The following CRPPA variants were observed in gnomAD, a reference collection of about 807,000 sequenced individuals.
The protein encoded by CRPPA is D-ribitol-5-phosphate cytidylyltransferase.
CRPPA carries 43 observed loss-of-function variants against 52.0 expected under a neutral mutation model. The ratio of observed to expected loss-of-function variants is 0.83; its 90% CI spans 0.65 to 1.07. CRPPA has a LOEUF of 1.07. CRPPA is among the 50% of genes least tolerant of loss of function. The pLI, the probability that CRPPA is intolerant of heterozygous loss-of-function variation, is 0.00. For synonymous variants in CRPPA, 250 were observed against 203.5 expected, an observed-to-expected ratio of 1.23 and a Z score of -1.94; for missense variants, 629 against 551.7, an observed-to-expected ratio of 1.14 and a Z score of -1.40.
At chr7:16,379,364 C>G (rs1044189846) in intron 2 of CRPPA, among the ~76,000 whole-genome samples, 1 of 152,112 alleles carries the variant, frequency 6.6e-6, no homozygotes, top group East Asian at 1.9e-4. Context: ...TGTTTCGGTA[C>G]CAGTACCATG....
At chr7:16,384,071 T>C (rs768330852) in intron 2 of CRPPA, among the ~76,000 whole-genome samples, 1 of 152,252 alleles carries the variant, frequency 6.6e-6, no homozygotes, top group South Asian at 2.1e-4. Context: ...AATGCAGAAA[T>C]CACCCGTCTT....
intron 9 of CRPPA, among the ~76,000 whole-genome samples, chr7:16,208,677 T>C (rs12672856): frequency 0.23 from 35,091 of 152,060 alleles, 4,855 homozygotes; most frequent in South Asian, 0.43. Context: ...GGCTAATTCA[T>C]CTTAAAAATT....
chr7:16,123,188 T>C (rs555459364), intron 9 of CRPPA, among the ~76,000 whole-genome samples: 1 of 152,224 alleles, frequency 6.6e-6, no homozygotes, highest in African/African-American at 2.4e-5. Flanking sequence ...TATAGTTTAA[T>C]ATGCTTGAAA....
intron 9 of CRPPA, among the ~76,000 whole-genome samples, chr7:16,118,900 G>A (rs1452869383): frequency 2.0e-5 from 3 of 152,150 alleles, no homozygotes; most frequent in African/African-American, 4.8e-5. Context: ...GGCAGTAGTT[G>A]TGTCCTCAGT....
At chr7:16,215,971 T>G in intron 9 of CRPPA, 95 bp downstream of exon 9, 1 of 982,376 alleles carries the variant, frequency 1.0e-6, no homozygotes. Context: ...GTAATTTCAC[T>G]TATCAATAAT....
chr7:16,175,182 T>A (rs530267041), intron 9 of CRPPA, among the ~76,000 whole-genome samples: 1 of 152,126 alleles, frequency 6.6e-6, no homozygotes, highest in Non-Finnish European at 1.5e-5. Flanking sequence ...CTGGACAAAT[T>A]TGAAAGTATG....
intron 3 of CRPPA, among the ~76,000 whole-genome samples, chr7:16,375,324 T>C (rs531899377): frequency 5.9e-5 from 9 of 152,318 alleles, no homozygotes; most frequent in South Asian, 2.1e-4. Flanking sequence ...CTTATCATCA[T>C]TGGGAAGTTT....
chr7:16,285,572 A>T (rs1242422645), intron 5 of CRPPA, among the ~76,000 whole-genome samples: 1 of 152,148 alleles, frequency 6.6e-6, no homozygotes, highest in Non-Finnish European at 1.5e-5. Flanking sequence ...GTTTGATGTG[A>T]TTTAACAGAG....
intron 5 of CRPPA, among the ~76,000 whole-genome samples, chr7:16,280,113 T>C (rs1350958689): frequency 2.0e-5 from 3 of 152,294 alleles, no homozygotes; most frequent in East Asian, 3.9e-4. Context: ...CATGATTCAA[T>C]TACCTCCCAC....
chr7:16,089,260 G>A lies in CRPPA; in HGVS notation c.*2435C>T, dbSNP rs572350531. 9.2e-5 allele frequency: 31 copies of A among 337,640 alleles called. No homozygotes were observed. Among genetic ancestry groups the A allele is most frequent in the Middle Eastern group, 1.0e-3 (1 of 954 alleles). 20.9% of individuals were successfully genotyped at this position (337,640 alleles called of 1,614,324 possible). On this transcript the variant is annotated 3_prime_UTR_variant, in exon 10 of 10. Coordinates refer to ENST00000407010, the MANE Select transcript of CRPPA (RefSeq NM_001101426.4). ...CGTATATACATATATGTGTGTATGC[G>A]TACGTATATACATATATGTGTGTAT...
intron 1 of CRPPA, among the ~76,000 whole-genome samples, chr7:16,413,656 G>T (rs186654906): frequency 2.0e-5 from 3 of 152,174 alleles, no homozygotes; most frequent in African/African-American, 7.2e-5. Context: ...AACAGAATTT[G>T]CTGTGGTTTT....
chr7:16,290,754 C>T (rs1163477945), intron 5 of CRPPA, among the ~76,000 whole-genome samples: 1 of 151,958 alleles, frequency 6.6e-6, no homozygotes, highest in Non-Finnish European at 1.5e-5. Context: ...ATGGCTAAGA[C>T]TCCAAAAGCA....
chr7:16,190,290 CT>C (rs1404016706), intron 9 of CRPPA, among the ~76,000 whole-genome samples: 1 of 152,148 alleles, frequency 6.6e-6, no homozygotes, highest in Non-Finnish European at 1.5e-5. Flanking sequence ...CAATTGCTAA[CT>C]TTTAATAGAA....
At chr7:16,404,549 C>CA (rs967178754) in intron 2 of CRPPA, among the ~76,000 whole-genome samples, 2 of 143,160 alleles carry the variant, frequency 1.4e-5, no homozygotes, top group South Asian at 2.2e-4. Flanking sequence ...TCAACAACAA[C>CA]AAAAAAAATT....
chr7:16,191,476 A>C (rs949755327), intron 9 of CRPPA, among the ~76,000 whole-genome samples: 2 of 152,136 alleles, frequency 1.3e-5, no homozygotes, highest in South Asian at 4.1e-4. Flanking sequence ...GGTGTGGCTC[A>C]TGGTGTAGGA....
intron 3 of CRPPA, among the ~76,000 whole-genome samples, chr7:16,372,802 A>G (rs147212658): frequency 8.9e-4 from 135 of 152,330 alleles, no homozygotes; most frequent in African/African-American, 3.2e-3. Flanking sequence ...TACCTAACAC[A>G]TAAGGACTCT....
At chr7:16,185,219 C>G (rs550686495) in intron 9 of CRPPA, among the ~76,000 whole-genome samples, 35 of 152,284 alleles carry the variant, frequency 2.3e-4, no homozygotes, top group South Asian at 1.0e-3. Flanking sequence ...TGGCAGCAGA[C>G]AAGAGAAGAG....
chr7:16,145,642 T>TGAA (rs34238820), intron 9 of CRPPA, among the ~76,000 whole-genome samples: 5,901 of 147,886 alleles, frequency 0.04, 149 homozygotes, highest in South Asian at 0.061. Context: ...AAAACTATCA[T>TGAA]AAAAAAAAAA....
intron 9 of CRPPA, among the ~76,000 whole-genome samples, chr7:16,160,464 G>T (rs1321267398): frequency 6.6e-6 from 1 of 152,198 alleles, no homozygotes; most frequent in Non-Finnish European, 1.5e-5. Context: ...GTTTGTCAAA[G>T]ATTAGATGGT....
Sources: gnomAD v4.1 joint callset for allele counts (sites outside exome capture counted in the v4.1 genomes callset) on GRCh38, gnomAD v4.1.1 for gene constraint, MANE v1.5 for transcripts, NCBI Gene and HGNC (gene_info 2026-07-23, HGNC 2026-07-21) for gene names.